SPDL1: variants seen among roughly 807,000 people sequenced by gnomAD.
SPDL1 encodes spindle apparatus coiled-coil protein 1, also known as protein Spindly.
In SPDL1, 85 loss-of-function variants were observed where a neutral mutation model predicts 79.5. The observed-to-expected ratio is 1.07, with a 90% CI of 0.90 to 1.28. SPDL1 has a LOEUF of 1.28. Ranked by LOEUF, SPDL1 falls within the 50% of genes most tolerant of loss-of-function variation. SPDL1 has a pLI of 0.00. For synonymous variants in SPDL1, 269 were observed against 240.3 expected, an observed-to-expected ratio of 1.12 and a Z score of -1.10; for missense variants, 703 against 697.8, an observed-to-expected ratio of 1.01 and a Z score of -0.08.
chr5:169,592,457 C>T (rs549224687), intron 3 of SPDL1, among the ~76,000 whole-genome samples: 9 of 152,128 alleles, frequency 5.9e-5, no homozygotes, highest in African/African-American at 9.6e-5. Flanking sequence ...CCTCGTGATC[C>T]GCCCACTTCA....
chr5:169,604,037 A>G, intron 11 of SPDL1, 23 bp from the exon 12 acceptor site: 3 of 1,593,496 alleles, frequency 1.9e-6, no homozygotes, highest in Non-Finnish European at 2.6e-6. Flanking sequence ...TTGAATTCAG[A>G]GTGGATGCTT....
Position 169,601,345 on chromosome 5 carries a change from A to G in SPDL1, c.1390A>G (p.Lys464Glu), listed in dbSNP as rs775688036. 2 of 1,613,982 alleles carry G rather than the reference A, an allele frequency of 1.2e-6. No individual in the cohort carries two copies. The highest frequency in any genetic ancestry group is 1.1e-5 in the South Asian group (1 of 91,050). Residue 464 changes from lysine to glutamate, a missense_variant, in exon 11 of 12, where the codon AAA (lysine) becomes GAA (glutamate). Physicochemically the swap from Lys to Glu is moderately conservative, Grantham distance 56. Coordinates refer to ENST00000265295, the MANE Select transcript of SPDL1 (RefSeq NM_017785.5). ...GCTCCCTGTGGATATAACCACCGCT[A>G]AAGATGCATGTGTCAACAACAGTGC... Reference protein sequence around the residue: ...EVLPVDITTAKDACVNNSALG... With the variant: ...EVLPVDITTAEDACVNNSALG...
chr5:169,603,549 T>C (rs533978980), intron 11 of SPDL1, among the ~76,000 whole-genome samples: 1 of 152,206 alleles, frequency 6.6e-6, no homozygotes, highest in Non-Finnish European at 1.5e-5. Context: ...TTTTTAAAGA[T>C]ATTCTTTAGA....
rs557096122 is a variant in SPDL1 at position 169,602,370 on chromosome 5, A to G, written c.1670+745A>G. Among the ~76,000 whole-genome samples the G allele has an allele frequency of 9.8e-5, 15 of 152,344 alleles. No homozygotes were observed. In the South Asian group the frequency reaches 1.0e-3, roughly 11 times the overall value. On this transcript the variant is annotated intron_variant, in intron 11 of 11. Transcript: ENST00000265295. ...AGTGAATGAGGAAATTGAAGAAAGTAAAAGAAAGATGAAGGATGTCTGCAT... is the reference window on the plus strand; with the variant it reads ...AGTGAATGAGGAAATTGAAGAAAGTGAAAGAAAGATGAAGGATGTCTGCAT...
intron 8 of SPDL1, 38 bp from the exon 9 acceptor site, chr5:169,598,438 T>C: frequency 7.8e-7 from 1 of 1,274,232 alleles, no homozygotes; most frequent in South Asian, 1.2e-5. Context: ...CCTTATTTGT[T>C]ATTTATTTTA....
chr5:169,590,783 A>G (rs1755234429), intron 2 of SPDL1: 2 of 516,566 alleles, frequency 3.9e-6, no homozygotes, highest in Admixed American at 4.5e-5. Context: ...GTGTTGACAT[A>G]CCATGGAGCA....
intron 8 of SPDL1, among the ~76,000 whole-genome samples, chr5:169,597,073 A>G (rs944991024): frequency 5.9e-5 from 9 of 152,138 alleles, no homozygotes; most frequent in East Asian, 3.8e-4. Flanking sequence ...CTGATACTCA[A>G]ATTGTCCCAG....
At chr5:169,601,963 A>G (rs1342748431) in intron 11 of SPDL1, 1 of 319,268 alleles carries the variant, frequency 3.1e-6, no homozygotes, top group Non-Finnish European at 5.9e-6. Flanking sequence ...GCCATGAAAG[A>G]AAAATTAACT....
At chr5:169,601,950 A>G (rs1755954534) in intron 11 of SPDL1, 1 of 339,072 alleles carries the variant, frequency 2.9e-6, no homozygotes, top group South Asian at 3.0e-5. Context: ...TGGTTCAAGC[A>G]TGGCCATGAA....
At chr5:169,598,727 G>A (rs1411140420) in intron 9 of SPDL1, 148 bp downstream of exon 9, 12 of 915,952 alleles carry the variant, frequency 1.3e-5, no homozygotes, top group Non-Finnish European at 1.9e-5. Context: ...ATATTCATGT[G>A]TGAATACATT....
At chr5:169,593,813 C>T (rs1755429562) in intron 4 of SPDL1, among the ~76,000 whole-genome samples, 1 of 151,976 alleles carries the variant, frequency 6.6e-6, no homozygotes, top group Non-Finnish European at 1.5e-5. Flanking sequence ...TACTCTGATC[C>T]CAGATTTTAT....
chr5:169,601,183 G>A (rs1417901730), intron 10 of SPDL1, 97 bp from the exon 11 acceptor site: 2 of 1,053,416 alleles, frequency 1.9e-6, no homozygotes, highest in African/African-American at 3.2e-5. Context: ...TTAAAAGAAT[G>A]GAAAAAGGTA....
At position 169,590,661 on chromosome 5, in the gene SPDL1, G is replaced by T. The variant is rs566494316; in HGVS notation, c.160-387G>T. On this transcript the variant is annotated intron_variant, in intron 2 of 11. Transcript: ENST00000265295. Reference sequence around the variant, plus strand: ...TTTCAACTATTATTACTACTACATTGTGTTCAGAGCTACAAGTAGAGCATC... The same window carrying T: ...TTTCAACTATTATTACTACTACATTTTGTTCAGAGCTACAAGTAGAGCATC... The T allele has an allele frequency of 1.0e-3, 452 of 453,780 alleles. 11 individuals carry two copies. Among genetic ancestry groups the T allele is most frequent in the South Asian group, 6.8e-3 (436 of 63,982 alleles). 28.1% of individuals were successfully genotyped at this position (453,780 alleles called of 1,614,324 possible).
rs768685914 is a variant in SPDL1, at chr5:169,601,509, A to G, written c.1554A>G (p.Lys518=). The G allele has an allele frequency of 6.2e-7, 1 of 1,614,178 alleles. No individual in the cohort carries two copies. The highest frequency in any genetic ancestry group is 1.1e-5 in the South Asian group (1 of 91,084). ...CAGTAGTCAGTCTCTCTCCTCACAA[A>G]AATCTGCCCGTGGATATGCAGCTGA... The part of the protein sequence containing the change: ...YTPVVSLSPH[K]NLPVDMQLKK... The change falls in exon 11 of 12, where the codon AAA becomes AAG. Residue 518 remains lysine, a synonymous_variant. Coordinates refer to ENST00000265295, the MANE Select transcript of SPDL1 (RefSeq NM_017785.5).
At position 169,601,384 on chromosome 5, in the gene SPDL1, G is replaced by GT. The variant is rs1755876244; in HGVS notation, c.1432dup (p.Tyr478LeufsTer15). 6.2e-7 allele frequency: 1 copy of GT among 1,613,906 alleles called. No homozygotes were observed. The highest frequency in any genetic ancestry group is 8.5e-7 in the Non-Finnish European group (1 of 1,180,026). ...CAACAACAGTGCTCTCGGGGGAGAA[G>GT]TTTATCGATTACCGCCTCAGAAAGA... On this transcript the variant is annotated frameshift_variant, in exon 11 of 12. Transcript: ENST00000265295. LOFTEE classifies it high-confidence loss of function.
At chr5:169,596,092 C>A (rs1462339193) in intron 7 of SPDL1, 1 of 154,656 alleles carries the variant, frequency 6.5e-6, no homozygotes, top group East Asian at 1.9e-4. Flanking sequence ...CCCCAGTATA[C>A]TAAGATAGCC....
chr5:169,596,328 C>T (rs895066644), intron 7 of SPDL1: 2 of 427,868 alleles, frequency 4.7e-6, no homozygotes, highest in African/African-American at 2.1e-5. Flanking sequence ...TTATGTTTCA[C>T]AAAAGTACAA....
chr5:169,603,160 CTT>C (rs1223390012), intron 11 of SPDL1, among the ~76,000 whole-genome samples: 3 of 151,978 alleles, frequency 2.0e-5, no homozygotes, highest in South Asian at 4.2e-4. Flanking sequence ...GTTTCCGACT[CTT>C]TGTTTTCTGC....
rs1034917383 is a variant in SPDL1, at chr5:169,591,179, A to G, written c.291A>G (p.Gln97=). ...QKMHLEKLEE[Q]LSRSHGQEVN... is the part of the protein sequence containing the mutation. ...TGCACCTGGAGAAATTGGAAGAACA[A>G]CTAAGCAGAAGCCATGGACAGGAAG... Residue 97 remains glutamine (Q), a synonymous_variant, in exon 3 of 12, where the codon CAA becomes CAG. Coordinates refer to ENST00000265295, the MANE Select transcript of SPDL1 (RefSeq NM_017785.5). 5 of 1,614,094 alleles carry G rather than the reference A, an allele frequency of 3.1e-6. No homozygotes were observed. The highest frequency in any genetic ancestry group is 2.2e-5 in the East Asian group (1 of 44,830).
Sources: gnomAD v4.1 joint callset for allele counts (sites outside exome capture counted in the v4.1 genomes callset) on GRCh38, gnomAD v4.1.1 for gene constraint, MANE v1.5 for transcripts, NCBI Gene and HGNC (gene_info 2026-07-23, HGNC 2026-07-21) for gene names.